Variants in CNTNAP2 observed in about 807,000 individuals in gnomAD.
CNTNAP2 encodes contactin-associated protein-like 2.
Under a neutral mutation model 155.2 loss-of-function variants are expected in CNTNAP2, and 98 were observed. The ratio of observed to expected loss-of-function variants is 0.63; its 90% CI spans 0.54 to 0.75. The LOEUF is 0.75. Ranked by LOEUF, CNTNAP2 falls within the 30% of genes least tolerant of loss-of-function variation. The pLI is 0.00. For synonymous variants in CNTNAP2, 651 were observed against 631.2 expected, an observed-to-expected ratio of 1.03 and a Z score of -0.47; for missense variants, 1,727 against 1,688.1, an observed-to-expected ratio of 1.02 and a Z score of -0.40.
Position 147,347,449 on chromosome 7 carries a change from T to TGC in CNTNAP2, c.1498+47159_1498+47160insGC, listed in dbSNP as rs1382850948. On this transcript the variant is annotated intron_variant, in intron 9 of 23. Transcript: ENST00000361727. ...ATATATATATATATATGCATATATA[T>TGC]ATATATGCATATATATATATATATA... is the stretch of plus-strand genomic sequence containing the variant. 1.7e-3 allele frequency among the ~76,000 whole-genome samples: 81 copies of TGC among 48,484 alleles called. 2 individuals carry two copies. The highest frequency in any genetic ancestry group is 5.1e-3 in the African/African-American group (76 of 14,878). 31.8% of individuals were successfully genotyped at this position (48,484 alleles called of 152,430 possible). A position where few individuals can be genotyped will look rare whatever the true frequency, so the allele number is the denominator to read the frequency against.
intron 17 of CNTNAP2, among the ~76,000 whole-genome samples, chr7:148,167,164 GTTTC>G (rs895660813): frequency 6.6e-6 from 1 of 152,168 alleles, no homozygotes; most frequent in Non-Finnish European, 1.5e-5. Context: ...TAGAGACAGA[GTTTC>G]TTTCTTTTTT....
chr7:148,030,123 C>T (rs1802448437), intron 15 of CNTNAP2, among the ~76,000 whole-genome samples: 1 of 152,172 alleles, frequency 6.6e-6, no homozygotes, highest in Non-Finnish European at 1.5e-5. Flanking sequence ...GTCTGTGTTG[C>T]TTTCCGGCTG....
chr7:146,179,713 C>T (rs1798523318), intron 1 of CNTNAP2, among the ~76,000 whole-genome samples: 1 of 152,082 alleles, frequency 6.6e-6, no homozygotes, highest in African/African-American at 2.4e-5. Context: ...ATTTTATAGT[C>T]TGAAGTGATA....
At chr7:147,032,186 A>C (rs924296755) in intron 3 of CNTNAP2, among the ~76,000 whole-genome samples, 1 of 152,240 alleles carries the variant, frequency 6.6e-6, no homozygotes, top group African/African-American at 2.4e-5. Flanking sequence ...CTCCCTGAAC[A>C]GTCTGCAGTT....
At chr7:147,552,861 C>G (rs1023249401) in intron 11 of CNTNAP2, among the ~76,000 whole-genome samples, 1 of 152,148 alleles carries the variant, frequency 6.6e-6, no homozygotes, top group Non-Finnish European at 1.5e-5. Context: ...TAAATAATTG[C>G]TTTGAGCAGA....
At chr7:146,718,159 G>A (rs1052899997) in intron 1 of CNTNAP2, among the ~76,000 whole-genome samples, 1 of 152,090 alleles carries the variant, frequency 6.6e-6, no homozygotes, top group Admixed American at 6.6e-5. Flanking sequence ...CATACGCATA[G>A]TTATAAACAG....
intron 1 of CNTNAP2, among the ~76,000 whole-genome samples, chr7:146,560,698 C>T (rs531451195): frequency 4.6e-5 from 7 of 152,174 alleles, no homozygotes; most frequent in African/African-American, 1.4e-4. Flanking sequence ...TATAGAGTGA[C>T]GTTTGACATC....
chr7:146,617,857 A>G (rs1305524416), intron 1 of CNTNAP2, among the ~76,000 whole-genome samples: 2 of 152,188 alleles, frequency 1.3e-5, no homozygotes, highest in East Asian at 1.9e-4. Flanking sequence ...CAGCAAATAT[A>G]AAATGACTAT....
intron 8 of CNTNAP2, among the ~76,000 whole-genome samples, chr7:147,205,228 C>A (rs967962233): frequency 3.9e-5 from 6 of 152,106 alleles, no homozygotes; most frequent in African/African-American, 1.4e-4. Flanking sequence ...TTCTATCTCT[C>A]ATTCCCCCCG....
At chr7:146,954,789 C>A (rs903369548) in intron 3 of CNTNAP2, among the ~76,000 whole-genome samples, 16 of 151,864 alleles carry the variant, frequency 1.1e-4, no homozygotes, top group African/African-American at 3.6e-4. Context: ...CTGCAATTCA[C>A]CCCAAATTAT....
At chr7:147,557,997 T>C (rs1799983356) in intron 11 of CNTNAP2, among the ~76,000 whole-genome samples, 1 of 152,190 alleles carries the variant, frequency 6.6e-6, no homozygotes, top group South Asian at 2.1e-4. Flanking sequence ...AATGTGACTT[T>C]GCTCTATCAC....
intron 1 of CNTNAP2, among the ~76,000 whole-genome samples, chr7:146,128,140 T>C (rs553860868): frequency 6.6e-6 from 1 of 152,266 alleles, no homozygotes; most frequent in East Asian, 1.9e-4. Flanking sequence ...CTCTTTTCTA[T>C]TAGTCCACAA....
Position 146,387,008 on chromosome 7 carries a change from A to G in CNTNAP2, c.97+270035A>G, listed in dbSNP as rs369319246. Among the ~76,000 whole-genome samples the G allele has an allele frequency of 7.2e-5, 11 of 152,222 alleles. No individual in the cohort carries two copies. In the East Asian group the frequency reaches 1.2e-3, roughly 16 times the overall value. ...TGCCCCTAAAATAGAGAAGCCAAAGACACTCTCACCCAAAACAAACCCCAA... is the reference window on the plus strand; with the variant it reads ...TGCCCCTAAAATAGAGAAGCCAAAGGCACTCTCACCCAAAACAAACCCCAA... On this transcript the variant is annotated intron_variant, in intron 1 of 23. Coordinates refer to ENST00000361727, the MANE Select transcript of CNTNAP2 (RefSeq NM_014141.6).
At chr7:147,333,591 T>C (rs756849643) in intron 9 of CNTNAP2, among the ~76,000 whole-genome samples, 1 of 152,192 alleles carries the variant, frequency 6.6e-6, no homozygotes, top group East Asian at 1.9e-4. Flanking sequence ...ACTTGTTCAC[T>C]TTGGAGAGAT....
At chr7:146,939,017 T>C (rs1585170027) in intron 3 of CNTNAP2, among the ~76,000 whole-genome samples, 1 of 152,062 alleles carries the variant, frequency 6.6e-6, no homozygotes, top group Admixed American at 6.6e-5. Context: ...AATGGAAACC[T>C]GACATTTACA....
chr7:146,827,931 T>C (rs1374247001), intron 2 of CNTNAP2, among the ~76,000 whole-genome samples: 2 of 152,058 alleles, frequency 1.3e-5, no homozygotes, highest in Non-Finnish European at 2.9e-5. Flanking sequence ...ATATTATTTT[T>C]ATTGCCTTTA....
At chr7:146,525,362 C>A (rs1289171394) in intron 1 of CNTNAP2, among the ~76,000 whole-genome samples, 1 of 152,036 alleles carries the variant, frequency 6.6e-6, no homozygotes, top group Admixed American at 6.6e-5. Flanking sequence ...TGGTGGAAAA[C>A]ACAAATGGCA....
chr7:148,190,539 A>T (rs991636928), intron 18 of CNTNAP2: 18 of 152,210 alleles, frequency 1.2e-4, no homozygotes, highest in African/African-American at 4.3e-4. Context: ...AGAGCGACAG[A>T]ATCAAGAGGA....
chr7:147,243,412 G>A (rs1435636538), intron 8 of CNTNAP2, among the ~76,000 whole-genome samples: 4 of 152,046 alleles, frequency 2.6e-5, no homozygotes. Flanking sequence ...TCCTCTTCCA[G>A]CACGCACCCT....
Sources: gnomAD v4.1 joint callset for allele counts (sites outside exome capture counted in the v4.1 genomes callset) on GRCh38, gnomAD v4.1.1 for gene constraint, MANE v1.5 for transcripts, NCBI Gene and HGNC (gene_info 2026-07-23, HGNC 2026-07-21) for gene names.